The following PRKACB variants were observed in gnomAD, a reference collection of about 807,000 sequenced individuals.
The protein encoded by PRKACB is cAMP-dependent protein kinase catalytic subunit beta.
Under a neutral mutation model 51.4 loss-of-function variants are expected in PRKACB, and 16 were observed. The ratio of observed to expected loss-of-function variants is 0.31; its 90% CI spans 0.21 to 0.47. The LOEUF (loss-of-function observed/expected upper bound fraction) is 0.47, where lower values mean the gene tolerates loss of function less well. Ranked by LOEUF, PRKACB falls within the 20% of genes least tolerant of loss-of-function variation. PRKACB has a pLI of 1.00. For synonymous variants in PRKACB, 147 were observed against 154.4 expected (o/e 0.95, Z 0.35); for missense variants, 309 against 464.5 (o/e 0.67, Z 3.08).
intron 1 of PRKACB, among the ~76,000 whole-genome samples, chr1:84,106,781 G>A (rs1328768288): frequency 6.6e-6 from 1 of 152,032 alleles, no homozygotes; most frequent in Non-Finnish European, 1.5e-5. Context: ...AACCAAAAAA[G>A]AGCCCAAATA....
At chr1:84,170,185 C>T (rs914090632) in intron 1 of PRKACB, among the ~76,000 whole-genome samples, 10 of 151,558 alleles carry the variant, frequency 6.6e-5, no homozygotes, top group Admixed American at 2.6e-4. Flanking sequence ...GTGGGGCTTT[C>T]GTTTAAAATG....
intron 1 of PRKACB, among the ~76,000 whole-genome samples, chr1:84,110,412 C>A (rs562366978): frequency 3.3e-5 from 5 of 151,594 alleles, no homozygotes; most frequent in African/African-American, 1.2e-4. Flanking sequence ...GAGTTTTTCC[C>A]ATAATGTTCA....
intron 1 of PRKACB, chr1:84,157,224 C>A (rs1186028240): frequency 1.3e-5 from 2 of 152,076 alleles, no homozygotes; most frequent in African/African-American, 2.4e-5. Flanking sequence ...GAAGGCATGG[C>A]CCTTATGAAG....
chr1:84,179,175 A>G lies in PRKACB; in HGVS notation c.188-2A>G. 1.3e-6 allele frequency: 2 copies of G among 1,587,180 alleles called. No individual in the cohort carries two copies. The highest frequency in any genetic ancestry group is 2.7e-5 in the African/African-American group (2 of 74,334). On this transcript the variant is annotated splice_acceptor_variant, in intron 1 of 9. Transcript: ENST00000370685. LOFTEE classifies it high-confidence loss of function. Reference sequence around the variant, plus strand: ...AATTTGTTTTTATATGTATATTTTCAGTGAAAGAGTTTCTAGCCAAAGCCA... The same window carrying G: ...AATTTGTTTTTATATGTATATTTTCGGTGAAAGAGTTTCTAGCCAAAGCCA...
chr1:84,089,694 C>T (rs1038101454), intron 1 of PRKACB, among the ~76,000 whole-genome samples: 1 of 152,150 alleles, frequency 6.6e-6, no homozygotes, highest in African/African-American at 2.4e-5. Context: ...ACCATGTTAT[C>T]TCCTATTCCC....
intron 1 of PRKACB, among the ~76,000 whole-genome samples, chr1:84,122,958 T>C (rs1651215507): frequency 6.6e-6 from 1 of 152,216 alleles, no homozygotes; most frequent in South Asian, 2.1e-4. Flanking sequence ...TTCTGGTATG[T>C]ATGTGAAGCC....
intron 9 of PRKACB, among the ~76,000 whole-genome samples, chr1:84,233,256 G>C (rs894269210): frequency 3.3e-5 from 5 of 152,052 alleles, no homozygotes; most frequent in Admixed American, 1.3e-4. Flanking sequence ...CTCTCTTCTG[G>C]CTTGTAGAGT....
At chr1:84,159,287 C>T (rs1455246305) in intron 1 of PRKACB, among the ~76,000 whole-genome samples, 3 of 151,958 alleles carry the variant, frequency 2.0e-5, no homozygotes, top group South Asian at 2.1e-4. Flanking sequence ...AATGTCTCTC[C>T]ATTTATTTAC....
At chr1:84,193,910 G>A (rs1386863607) in intron 5 of PRKACB, among the ~76,000 whole-genome samples, 3 of 152,104 alleles carry the variant, frequency 2.0e-5, no homozygotes, top group Admixed American at 6.6e-5. Flanking sequence ...ATAAAATGAT[G>A]GTGGCAGACT....
chr1:84,198,383 A>G (rs762601210), intron 7 of PRKACB, among the ~76,000 whole-genome samples: 6 of 152,158 alleles, frequency 3.9e-5, no homozygotes, highest in Middle Eastern at 3.2e-3. Context: ...TTCCTCTGCC[A>G]TCACTTGGTG....
chr1:84,122,164 A>G (rs1052533351), intron 1 of PRKACB, among the ~76,000 whole-genome samples: 45 of 151,840 alleles, frequency 3.0e-4, no homozygotes, highest in Middle Eastern at 3.4e-3. Context: ...TCTCTCCAGC[A>G]CTCTTCAGCC....
At chr1:84,132,122 C>T (rs1458595877) in intron 1 of PRKACB, among the ~76,000 whole-genome samples, 1 of 152,052 alleles carries the variant, frequency 6.6e-6, no homozygotes, top group East Asian at 1.9e-4. Flanking sequence ...TGGAGAAAAG[C>T]CCATGAAGGT....
intron 1 of PRKACB, among the ~76,000 whole-genome samples, chr1:84,117,189 T>G (rs1650703952): frequency 6.6e-6 from 1 of 152,192 alleles, no homozygotes; most frequent in South Asian, 2.1e-4. Context: ...CTTTTTGATG[T>G]GCTATTGGAT....
chr1:84,164,918 G>A lies in PRKACB; in HGVS notation c.188-14259G>A, dbSNP rs140941837. 8.4e-5 allele frequency: 126 copies of A among 1,504,062 alleles called. No individual in the cohort carries two copies. In the African/African-American group the frequency reaches 1.1e-3, roughly 13 times the overall value. The allele number at this position is 1,504,062 out of a possible 1,614,324, so 93.2% of individuals were successfully genotyped here. A position where few individuals can be genotyped will look rare whatever the true frequency, so the allele number is the denominator to read the frequency against. On this transcript the variant is annotated intron_variant, in intron 1 of 9. Transcript: ENST00000370685. Reference sequence around the variant, plus strand: ...CTCCAGTGTGTGTGTTTACACCATCGGTTCTTCTCCCTCTAGAGATTAGCA... The same window carrying A: ...CTCCAGTGTGTGTGTTTACACCATCAGTTCTTCTCCCTCTAGAGATTAGCA...
At chr1:84,159,599 C>A (rs1655936400) in intron 1 of PRKACB, among the ~76,000 whole-genome samples, 1 of 152,000 alleles carries the variant, frequency 6.6e-6, no homozygotes, top group South Asian at 2.1e-4. Flanking sequence ...TATTTTCTTG[C>A]CTCATTGCAC....
chr1:84,184,630 G>T (rs1664554513), intron 4 of PRKACB, among the ~76,000 whole-genome samples: 1 of 151,262 alleles, frequency 6.6e-6, no homozygotes, highest in Non-Finnish European at 1.5e-5. Context: ...AATGATACTG[G>T]CATCTCTCTG....
intron 1 of PRKACB, among the ~76,000 whole-genome samples, chr1:84,092,275 A>G (rs1277355087): frequency 1.3e-5 from 2 of 152,210 alleles, no homozygotes; most frequent in Non-Finnish European, 2.9e-5. Context: ...GGAATACTGC[A>G]TCATGTTTTC....
At chr1:84,192,609 G>T (rs1234046030) in intron 5 of PRKACB, among the ~76,000 whole-genome samples, 1 of 152,110 alleles carries the variant, frequency 6.6e-6, no homozygotes, top group Non-Finnish European at 1.5e-5. Context: ...AAAAGCTCCA[G>T]AAGGGAACTT....
At chr1:84,173,646 T>G (rs1660278314) in intron 1 of PRKACB, among the ~76,000 whole-genome samples, 1 of 151,840 alleles carries the variant, frequency 6.6e-6, no homozygotes, top group Non-Finnish European at 1.5e-5. Context: ...ATGATAGAAC[T>G]TGGTATTTTC....
Sources: gnomAD v4.1 joint callset for allele counts (sites outside exome capture counted in the v4.1 genomes callset) on GRCh38, gnomAD v4.1.1 for gene constraint, MANE v1.5 for transcripts, NCBI Gene and HGNC (gene_info 2026-07-23, HGNC 2026-07-21) for gene names.